Variants in ST8SIA6 observed in about 807,000 individuals in gnomAD.
The protein encoded by ST8SIA6 is ST8 alpha-N-acetyl-neuraminide alpha-2,8-sialyltransferase 6, also known as alpha-2,8-sialyltransferase 8F.
A neutral mutation model predicts 33.6 loss-of-function variants in ST8SIA6; 39 were observed. The ratio of observed to expected loss-of-function variants is 1.16; its 90% CI spans 0.90 to 1.52. ST8SIA6 has a LOEUF of 1.52. Ranked by LOEUF, ST8SIA6 falls within the 40% of genes most tolerant of loss-of-function variation. The pLI, the probability that ST8SIA6 is intolerant of heterozygous loss-of-function variation, is 0.00. For synonymous variants in ST8SIA6, 172 were observed against 167.2 expected (o/e 1.03, Z -0.22); for missense variants, 441 against 443.8 (o/e 0.99, Z 0.06).
chr10:17,397,271 T>TC (rs759291232), intron 2 of ST8SIA6, among the ~76,000 whole-genome samples: 1 of 149,150 alleles, frequency 6.7e-6, no homozygotes, highest in Admixed American at 6.7e-5. Context: ...CTCACTCTTG[T>TC]CCCCCAGGCT....
intron 2 of ST8SIA6, among the ~76,000 whole-genome samples, chr10:17,448,872 G>A (rs945128405): frequency 9.5e-5 from 14 of 147,730 alleles, no homozygotes; most frequent in Admixed American, 2.0e-4. Context: ...CACCCATCTC[G>A]GCCTCCAAAA....
intron 2 of ST8SIA6, among the ~76,000 whole-genome samples, chr10:17,420,868 C>T (rs1052261151): frequency 2.0e-5 from 3 of 152,112 alleles, no homozygotes; most frequent in Admixed American, 6.6e-5. Flanking sequence ...ACAGTCGTGG[C>T]GGAAGGCAAA....
intron 2 of ST8SIA6, among the ~76,000 whole-genome samples, chr10:17,448,776 A>AGGCTAATTTTTT (rs1316988366): frequency 7.0e-6 from 1 of 143,556 alleles, no homozygotes; most frequent in African/African-American, 2.6e-5. Context: ...CCACCACGCC[A>AGGCTAATTTTTT]GGCTAATTTT....
chr10:17,359,682 C>A, intron 3 of ST8SIA6, 82 bp from the exon 4 acceptor site: 2 of 736,222 alleles, frequency 2.7e-6, no homozygotes, highest in South Asian at 2.5e-5. Context: ...TAATCTACTC[C>A]CTTTAGTCTA....
At chr10:17,340,446 T>C (rs1221930092) in intron 4 of ST8SIA6, among the ~76,000 whole-genome samples, 1 of 152,072 alleles carries the variant, frequency 6.6e-6, no homozygotes, top group Non-Finnish European at 1.5e-5. Flanking sequence ...ATACCTCTGC[T>C]CTCTTTAAAA....
At chr10:17,393,321 C>T (rs142947692) in intron 2 of ST8SIA6, among the ~76,000 whole-genome samples, 1 of 152,134 alleles carries the variant, frequency 6.6e-6, no homozygotes, top group Non-Finnish European at 1.5e-5. Context: ...GGAGCTAATC[C>T]CTCGTAATAA....
At chr10:17,423,417 C>A (rs570421243) in intron 2 of ST8SIA6, among the ~76,000 whole-genome samples, 1 of 152,310 alleles carries the variant, frequency 6.6e-6, no homozygotes, top group South Asian at 2.1e-4. Flanking sequence ...GTGTTTCCCT[C>A]CTCCAACTAG....
At chr10:17,378,903 G>A (rs1850013143) in intron 3 of ST8SIA6, among the ~76,000 whole-genome samples, 1 of 152,084 alleles carries the variant, frequency 6.6e-6, no homozygotes, top group Non-Finnish European at 1.5e-5. Context: ...AAGGCGGGCG[G>A]ATCATGAGGT....
At chr10:17,371,469 C>T (rs1444470300) in intron 3 of ST8SIA6, among the ~76,000 whole-genome samples, 3 of 151,876 alleles carry the variant, frequency 2.0e-5, no homozygotes, top group Non-Finnish European at 2.9e-5. Context: ...AATAAGGAGA[C>T]GTGAGAAGGA....
chr10:17,365,511 G>C (rs76111013), intron 3 of ST8SIA6, among the ~76,000 whole-genome samples: 25,408 of 152,092 alleles, frequency 0.17, 2,258 homozygotes, highest in South Asian at 0.21. Flanking sequence ...CTCTGAGTGA[G>C]CTATGAAATC....
chr10:17,438,900 C>G (rs1470501343), intron 2 of ST8SIA6, among the ~76,000 whole-genome samples: 2 of 152,196 alleles, frequency 1.3e-5, no homozygotes, highest in African/African-American at 4.8e-5. Context: ...TAGAATAACT[C>G]TTACCTTTTG....
At chr10:17,347,524 G>A (rs550573467) in intron 4 of ST8SIA6, among the ~76,000 whole-genome samples, 7 of 152,160 alleles carry the variant, frequency 4.6e-5, no homozygotes, top group Middle Eastern at 6.8e-3. Context: ...ACGGGATCAC[G>A]TTGCAGAATC....
intron 6 of ST8SIA6, among the ~76,000 whole-genome samples, chr10:17,326,674 C>T (rs1030639039): frequency 2.6e-5 from 4 of 152,170 alleles, no homozygotes; most frequent in Non-Finnish European, 5.9e-5. Context: ...TCTTCAAGGT[C>T]AGGTGAGCCT....
Position 17,329,827 on chromosome 10 carries a change from C to T in ST8SIA6, c.522+1581G>A, listed in dbSNP as rs117771897. On this transcript the variant is annotated intron_variant, in intron 5 of 7. Coordinates refer to ENST00000377602, the MANE Select transcript of ST8SIA6 (RefSeq NM_001004470.3). The stretch of plus-strand genomic sequence containing the variant: ...CCTCCTGAGAAAATGCAAATGTGCA[C>T]GCTCCACTGCCTGCTCATTGCCCAC... Among the ~76,000 whole-genome samples the T allele has an allele frequency of 1.7e-3, 265 of 152,296 alleles. 2 individuals carry two copies. The East Asian group carries it at 0.034, about 19-fold the overall frequency.
At chr10:17,451,834 A>G (rs1007570944) in intron 2 of ST8SIA6, among the ~76,000 whole-genome samples, 1 of 152,254 alleles carries the variant, frequency 6.6e-6, no homozygotes, top group African/African-American at 2.4e-5. Context: ...ATCAAAACAT[A>G]AAGAGGCTTT....
chr10:17,393,615 G>T (rs1588881032), intron 2 of ST8SIA6, among the ~76,000 whole-genome samples: 1 of 152,158 alleles, frequency 6.6e-6, no homozygotes, highest in South Asian at 2.1e-4. Context: ...TCTGACACAG[G>T]TGTAACTGGA....
chr10:17,365,895 A>G (rs750123427), intron 3 of ST8SIA6, among the ~76,000 whole-genome samples: 21 of 152,194 alleles, frequency 1.4e-4, no homozygotes, highest in Admixed American at 3.3e-4. Flanking sequence ...GGAACAACAC[A>G]GTAATATTAA....
chr10:17,373,615 C>A (rs1849803492), intron 3 of ST8SIA6, among the ~76,000 whole-genome samples: 1 of 152,160 alleles, frequency 6.6e-6, no homozygotes, highest in African/African-American at 2.4e-5. Flanking sequence ...CACCTTGCAG[C>A]TCTGGCTACC....
At chr10:17,354,152 A>C (rs1429141011) in intron 4 of ST8SIA6, among the ~76,000 whole-genome samples, 1 of 152,208 alleles carries the variant, frequency 6.6e-6, no homozygotes, top group Admixed American at 6.5e-5. Flanking sequence ...AGAAGTTTCC[A>C]GAGCTTCACA....
Sources: gnomAD v4.1 joint callset for allele counts (sites outside exome capture counted in the v4.1 genomes callset) on GRCh38, gnomAD v4.1.1 for gene constraint, MANE v1.5 for transcripts, NCBI Gene and HGNC (gene_info 2026-07-23, HGNC 2026-07-21) for gene names.